Variants in EYS observed in about 807,000 individuals in gnomAD.
The protein encoded by EYS is protein eyes shut homolog.
EYS carries 250 observed loss-of-function variants against 282.1 expected under a neutral mutation model. That is an observed-to-expected ratio of 0.89 (90% CI 0.80 to 0.98). The LOEUF is 0.98. Ranked by LOEUF, EYS falls within the 50% of genes least tolerant of loss-of-function variation. EYS has a pLI of 0.00. For missense variants in EYS, 4,016 were observed against 3,709.0 expected (o/e 1.08, Z -2.15); for synonymous variants, 1,355 against 1,282.9 (o/e 1.06, Z -1.20).
At chr6:64,257,662 T>C (rs1251975139) in intron 30 of EYS, among the ~76,000 whole-genome samples, 2 of 152,008 alleles carry the variant, frequency 1.3e-5, no homozygotes, top group Non-Finnish European at 2.9e-5. Flanking sequence ...TTATGTATAC[T>C]ATGTCCTTTC....
At chr6:63,825,976 T>C (rs971330268) in intron 36 of EYS, among the ~76,000 whole-genome samples, 16 of 152,108 alleles carry the variant, frequency 1.1e-4, no homozygotes, top group Non-Finnish European at 1.0e-4. Context: ...CAAAGCCCAA[T>C]GTGAGGAAAT....
intron 22 of EYS, among the ~76,000 whole-genome samples, chr6:64,722,086 A>G (rs1285958264): frequency 6.6e-6 from 1 of 152,184 alleles, no homozygotes; most frequent in Non-Finnish European, 1.5e-5. Flanking sequence ...ACAGTAGAAT[A>G]GAAGTAGCTC....
At chr6:64,766,649 A>AAAATATATATATATATATATAT (rs1387919586) in intron 22 of EYS, among the ~76,000 whole-genome samples, 3 of 19,060 alleles carry the variant, frequency 1.6e-4, no homozygotes, top group Non-Finnish European at 3.1e-4. Flanking sequence ...AAAAAAAAAA[A>AAAATATATATATATATATATAT]ATATATATAT....
At position 63,762,517 on chromosome 6, in the gene EYS, G is replaced by A; in HGVS notation, c.8015C>T (p.Pro2672Leu). 1 of 1,550,414 alleles carries A rather than the reference G, an allele frequency of 6.4e-7. No homozygotes were observed. Among genetic ancestry groups the A allele is most frequent in the Non-Finnish European group, 8.7e-7 (1 of 1,146,094 alleles). Reference protein sequence around the residue: ...CSRGATCISLPHGYTCFCPLG... With the variant: ...CSRGATCISLLHGYTCFCPLG... ...AGGACAGAAACAGGTGTATCCATGA[G>A]GTAATGAAATGCAGGTTGCTCCTCT... Residue 2672 changes from proline to leucine, a missense_variant, in exon 41 of 43, where the codon CCT (proline) becomes CTT (leucine). Physicochemically the swap from Pro to Leu is moderately conservative, Grantham distance 98. Coordinates refer to ENST00000503581, the MANE Select transcript of EYS (RefSeq NM_001142800.2).
chr6:63,802,207 C>T (rs1162269511), intron 37 of EYS, among the ~76,000 whole-genome samples: 1 of 152,006 alleles, frequency 6.6e-6, no homozygotes, highest in Non-Finnish European at 1.5e-5. Flanking sequence ...GATATTATGG[C>T]CAATAATTAC....
intron 30 of EYS, among the ~76,000 whole-genome samples, chr6:64,275,545 T>C (rs1768082152): frequency 6.6e-6 from 1 of 150,824 alleles, no homozygotes. Context: ...GCTTCCCAAG[T>C]AGTTGGGACT....
At position 65,216,674 on chromosome 6, in the gene EYS, T is replaced by C. The variant is rs544402122; in HGVS notation, c.2023+79189A>G. 3.3e-5 allele frequency among the ~76,000 whole-genome samples: 5 copies of C among 151,770 alleles called. No individual in the cohort carries two copies. In the South Asian group the frequency reaches 1.0e-3, roughly 32 times the overall value. On this transcript the variant is annotated intron_variant, in intron 12 of 42. Coordinates refer to ENST00000503581, the MANE Select transcript of EYS (RefSeq NM_001142800.2). ...TATGAAGTTTAGTATAAATAGAATATAAAAAATAATTTTAAAATGATGTGA... is the reference window on the plus strand; with the variant it reads ...TATGAAGTTTAGTATAAATAGAATACAAAAAATAATTTTAAAATGATGTGA...
intron 19 of EYS, among the ~76,000 whole-genome samples, chr6:64,834,727 T>G (rs996604502): frequency 6.6e-6 from 1 of 151,900 alleles, no homozygotes; most frequent in African/African-American, 2.4e-5. Context: ...TTAAAAATAC[T>G]AAGTCTCTAT....
intron 33 of EYS, among the ~76,000 whole-genome samples, chr6:64,013,896 G>A (rs1411459890): frequency 6.6e-6 from 1 of 152,022 alleles, no homozygotes. Context: ...GATGGTGAAT[G>A]TAAGTTCTAA....
Position 64,236,869 on chromosome 6 carries a change from C to T in EYS, c.6192-6045G>A, listed in dbSNP as rs573987505. On this transcript the variant is annotated intron_variant, in intron 30 of 42. Coordinates refer to ENST00000503581, the MANE Select transcript of EYS (RefSeq NM_001142800.2). Reference sequence around the variant, plus strand: ...CGGGATAGATACCTAATGTAAATGACGAGTTAATGGGTGCAGCACACCAAC... The same window carrying T: ...CGGGATAGATACCTAATGTAAATGATGAGTTAATGGGTGCAGCACACCAAC... Among the ~76,000 whole-genome samples, 76 of 151,526 alleles carry T rather than the reference C, an allele frequency of 5.0e-4. No homozygotes were observed. In the Middle Eastern group the frequency reaches 0.02, roughly 41 times the overall value.
chr6:65,011,125 A>T (rs1771851777), intron 13 of EYS, among the ~76,000 whole-genome samples: 1 of 152,184 alleles, frequency 6.6e-6, no homozygotes, highest in African/African-American at 2.4e-5. Flanking sequence ...TCCCCTCAGG[A>T]TGGCTAGCCA....
chr6:64,459,459 G>T (rs917357312), intron 26 of EYS, among the ~76,000 whole-genome samples: 1 of 152,108 alleles, frequency 6.6e-6, no homozygotes, highest in African/African-American at 2.4e-5. Context: ...GATTTTATTA[G>T]GAGAATTAAC....
intron 12 of EYS, among the ~76,000 whole-genome samples, chr6:65,293,067 C>A (rs1369711195): frequency 6.6e-6 from 1 of 151,568 alleles, no homozygotes; most frequent in Admixed American, 6.6e-5. Flanking sequence ...TGTCTAAGAA[C>A]TTGAATCCTA....
At chr6:64,264,934 C>A (rs1767706096) in intron 30 of EYS, among the ~76,000 whole-genome samples, 1 of 151,982 alleles carries the variant, frequency 6.6e-6, no homozygotes, top group African/African-American at 2.4e-5. Context: ...TGCTAAGTCA[C>A]ATTGTCAACG....
chr6:65,332,128 A>C lies in EYS; in HGVS notation c.1766+2852T>G, dbSNP rs139945100. 1,820 of 434,308 alleles carry C rather than the reference A, an allele frequency of 4.2e-3. 36 individuals are homozygous for C. The highest frequency in any genetic ancestry group is 0.033 in the African/African-American group (1,617 of 48,572). 26.9% of individuals were successfully genotyped at this position (434,308 alleles called of 1,614,324 possible). A position where few individuals can be genotyped will look rare whatever the true frequency, so the allele number is the denominator to read the frequency against. Reference sequence around the variant, plus strand: ...TTAGTTATGTTTCTTCATTCTTCTTATTTTTTTTTAACTTCTCTTATCAGA... The same window carrying C: ...TTAGTTATGTTTCTTCATTCTTCTTCTTTTTTTTTAACTTCTCTTATCAGA... On this transcript the variant is annotated intron_variant, in intron 11 of 42. Transcript: ENST00000503581.
At chr6:63,849,796 G>T (rs1772195385) in intron 36 of EYS, among the ~76,000 whole-genome samples, 1 of 152,202 alleles carries the variant, frequency 6.6e-6, no homozygotes, top group African/African-American at 2.4e-5. Context: ...CACCTTGTCA[G>T]CAAGGGAACA....
chr6:64,164,158 G>T lies in EYS; in HGVS notation c.6424+66434C>A, dbSNP rs575757146. The stretch of plus-strand genomic sequence containing the variant: ...GAAATGAAGTCTTTCTCATCAGCCT[G>T]GAAAATAACCACTGTTTTCTCCACT... On this transcript the variant is annotated intron_variant, in intron 31 of 42. Coordinates refer to ENST00000503581, the MANE Select transcript of EYS (RefSeq NM_001142800.2). Among the ~76,000 whole-genome samples the T allele has an allele frequency of 5.3e-5, 8 of 152,114 alleles. No homozygotes were observed. In the East Asian group the frequency reaches 1.5e-3, roughly 29 times the overall value.
At chr6:64,518,942 T>C (rs968836470) in intron 26 of EYS, among the ~76,000 whole-genome samples, 1 of 151,832 alleles carries the variant, frequency 6.6e-6, no homozygotes, top group Non-Finnish European at 1.5e-5. Context: ...TCACCCAGTC[T>C]CCAGTATGTC....
intron 30 of EYS, among the ~76,000 whole-genome samples, chr6:64,258,700 A>T (rs1279007060): frequency 2.6e-5 from 4 of 152,094 alleles, no homozygotes; most frequent in African/African-American, 9.7e-5. Context: ...AAAATGTCTC[A>T]GTACTTCTAG....
Sources: allele counts gnomAD v4.1 joint callset (sites outside exome capture counted in the v4.1 genomes callset), GRCh38; gene constraint gnomAD v4.1.1; transcripts MANE v1.5; gene names NCBI Gene and HGNC (gene_info 2026-07-23, HGNC 2026-07-21).